The following CHD2 variants were observed in gnomAD, a reference collection of about 807,000 sequenced individuals.
CHD2 encodes the protein ATP-dependent chromatin remodeler CHD2.
A neutral mutation model predicts 243.9 loss-of-function variants in CHD2; 28 were observed. The observed-to-expected ratio is 0.11, with a 90% confidence interval of 0.09 to 0.16. CHD2 has a LOEUF of 0.16. Ranked by LOEUF, CHD2 falls within the 10% of genes least tolerant of loss-of-function variation. CHD2 has a pLI of 1.00. For missense variants in CHD2, 1,386 were observed against 2,209.8 expected, an observed-to-expected ratio of 0.63 and a Z score of 7.47; for synonymous variants, 775 against 779.0, an observed-to-expected ratio of 0.99 and a Z score of 0.09.
chr15:92,904,592 C>T (rs1420164316), intron 2 of CHD2: 1 of 1,076,122 alleles, frequency 9.3e-7, no homozygotes, highest in African/African-American at 1.7e-5. Flanking sequence ...TGTAGCGGTC[C>T]GCACCCTGTA....
intron 5 of CHD2, among the ~76,000 whole-genome samples, chr15:92,931,700 CAT>C (rs1394969849): frequency 1.3e-5 from 2 of 152,068 alleles, no homozygotes; most frequent in Non-Finnish European, 2.9e-5. Flanking sequence ...TATATACAAA[CAT>C]AATGTTTTTT....
At chr15:92,903,622 G>A (rs2052562857) in intron 2 of CHD2, among the ~76,000 whole-genome samples, 1 of 152,128 alleles carries the variant, frequency 6.6e-6, no homozygotes, top group Admixed American at 6.5e-5. Flanking sequence ...AAATTTCTAA[G>A]TATTTAAAAC....
At position 93,002,192 on chromosome 15, in the gene CHD2, A is replaced by G; in HGVS notation, c.4153A>G (p.Lys1385Glu). 6.3e-7 allele frequency: 1 copy of G among 1,592,148 alleles called. No individual in the cohort carries two copies. The highest frequency in any genetic ancestry group is 1.2e-5 in the South Asian group (1 of 85,844). Residue 1385 changes from lysine to glutamate, a missense_variant, in exon 33 of 39, where the codon AAA (lysine) becomes GAA (glutamate). Lys to Glu is a moderately conservative substitution (Grantham distance 56). Transcript: ENST00000394196. Reference sequence around the variant, plus strand: ...TGTTTCCTAGGATGATGGCTTGGAAAAAAGTCCAATGAAAAAAAAACAGAA... The same window carrying G: ...TGTTTCCTAGGATGATGGCTTGGAAGAAAGTCCAATGAAAAAAAAACAGAA... ...EGEVKDDGLE[K>E]SPMKKKQKKK... is the part of the protein sequence containing the mutation.
intron 10 of CHD2, chr15:92,945,607 A>C: frequency 3.8e-6 from 1 of 265,736 alleles, no homozygotes; most frequent in Non-Finnish European, 7.2e-6. Flanking sequence ...CATGTTGGCC[A>C]GGTTGGTCTT....
chr15:92,953,313 G>A, intron 13 of CHD2, 44 bp from the exon 14 acceptor site: 1 of 1,536,870 alleles, frequency 6.5e-7, no homozygotes. Context: ...GTGTTTTGGT[G>A]AACTAATGAT....
chr15:92,940,885 TATATA>T (rs1318999847), intron 7 of CHD2, among the ~76,000 whole-genome samples: 2 of 85,132 alleles, frequency 2.3e-5, no homozygotes, highest in African/African-American at 7.2e-5. Flanking sequence ...CATATAAATA[TATATA>T]AAAATATATA....
chr15:92,901,148 T>A lies in CHD2; in HGVS notation c.-71-19T>A. On this transcript the variant is annotated intron_variant, in intron 1 of 38. Transcript: ENST00000394196. ...ATCGATAGAAGCCGGGACCTTACCT[T>A]TCTTTCAACTTTTGACAGTAAATAC... 1 of 766,082 alleles carries A rather than the reference T, an allele frequency of 1.3e-6. No individual in the cohort carries two copies. Among genetic ancestry groups the A allele is most frequent in the South Asian group, 1.5e-5 (1 of 66,492 alleles). 47.5% of individuals were successfully genotyped at this position (766,082 alleles called of 1,614,324 possible).
intron 5 of CHD2, among the ~76,000 whole-genome samples, chr15:92,935,984 C>T (rs1404089776): frequency 6.6e-6 from 1 of 151,634 alleles, no homozygotes; most frequent in Non-Finnish European, 1.5e-5. Flanking sequence ...CTGACTTTGG[C>T]TAAACTCTGG....
intron 2 of CHD2, among the ~76,000 whole-genome samples, chr15:92,909,993 CAT>C (rs1338997153): frequency 1.3e-5 from 2 of 151,040 alleles, no homozygotes; most frequent in African/African-American, 4.9e-5. Flanking sequence ...TATATATACA[CAT>C]ATATACATAT....
intron 16 of CHD2, among the ~76,000 whole-genome samples, chr15:92,962,133 G>T (rs2053698474): frequency 6.6e-6 from 1 of 151,836 alleles, no homozygotes; most frequent in Non-Finnish European, 1.5e-5. Flanking sequence ...GCCTGCCTTG[G>T]CCTGCCAAAG....
At chr15:93,004,058 A>G (rs538818992) in intron 33 of CHD2, among the ~76,000 whole-genome samples, 2 of 148,184 alleles carry the variant, frequency 1.3e-5, no homozygotes, top group Admixed American at 6.9e-5. Context: ...CAGGAGGCAG[A>G]GGTTGCAGTG....
At chr15:93,009,583 A>G (rs1308847395) in intron 35 of CHD2, among the ~76,000 whole-genome samples, 1 of 152,246 alleles carries the variant, frequency 6.6e-6, no homozygotes, top group African/African-American at 2.4e-5. Flanking sequence ...TTGCTGGTCT[A>G]TTCTCAGAAA....
intron 34 of CHD2, among the ~76,000 whole-genome samples, chr15:93,005,040 C>G (rs2054302873): frequency 6.6e-6 from 1 of 152,160 alleles, no homozygotes; most frequent in African/African-American, 2.4e-5. Context: ...GAAGTGTTCA[C>G]TGAGCAAGTA....
intron 28 of CHD2, chr15:92,993,211 G>A: frequency 2.2e-6 from 1 of 459,814 alleles, no homozygotes; most frequent in Non-Finnish European, 3.9e-6. Context: ...GTAGAGTGAA[G>A]AAAAAGATGA....
chr15:93,014,843 C>A lies in CHD2; in HGVS notation c.4840C>A (p.Pro1614Thr). The change falls in exon 37 of 39, where the codon CCA (proline) becomes ACA (threonine). Residue 1614 changes from proline (P) to threonine (T), a missense_variant. This residue lies in a region of CHD2 where 347 missense variants were observed against 341.6 expected (regional missense o/e 1.02). Transcript: ENST00000394196. ...QKPHLPASHG[P>T]QMHGHPRDNY... Reference sequence around the variant, plus strand: ...GCCTCATTTGCCTGCCTCCCATGGCCCACAGATGCATGGACACCCAAGAGA... The same window carrying A: ...GCCTCATTTGCCTGCCTCCCATGGCACACAGATGCATGGACACCCAAGAGA... 2.5e-6 allele frequency: 4 copies of A among 1,614,126 alleles called. No individual in the cohort carries two copies. The highest frequency in any genetic ancestry group is 3.4e-6 in the Non-Finnish European group (4 of 1,180,026).
At chr15:92,969,061 A>G (rs1236626195) in intron 17 of CHD2, among the ~76,000 whole-genome samples, 1 of 152,208 alleles carries the variant, frequency 6.6e-6, no homozygotes, top group Non-Finnish European at 1.5e-5. Flanking sequence ...TTCCTCTGAA[A>G]ATAGTTTAAT....
At chr15:93,008,123 A>C (rs921583199) in intron 34 of CHD2, among the ~76,000 whole-genome samples, 1 of 152,212 alleles carries the variant, frequency 6.6e-6, no homozygotes, top group African/African-American at 2.4e-5. Context: ...TGGGGCGGTC[A>C]CATTTTGTGA....
intron 15 of CHD2, among the ~76,000 whole-genome samples, chr15:92,955,778 C>T (rs1394831623): frequency 1.3e-5 from 2 of 152,088 alleles, no homozygotes; most frequent in Non-Finnish European, 2.9e-5. Flanking sequence ...ATGAGGGGAC[C>T]TTAGGTCACC....
At chr15:92,904,968 C>T (rs968209923) in intron 2 of CHD2, 72 of 1,535,794 alleles carry the variant, frequency 4.7e-5, no homozygotes, top group Middle Eastern at 3.3e-4. Flanking sequence ...TACTTGGTAC[C>T]GTACATTTTC....
Sources: allele counts gnomAD v4.1 joint callset (sites outside exome capture counted in the v4.1 genomes callset), GRCh38; gene constraint gnomAD v4.1.1; regional missense constraint gnomAD v4.1.1; transcripts MANE v1.5; gene names NCBI Gene and HGNC (gene_info 2026-07-23, HGNC 2026-07-21).